The following SPECC1 variants were observed in gnomAD, a reference collection of about 807,000 sequenced individuals.
The protein encoded by SPECC1 is cytospin-B.
In SPECC1, 62 loss-of-function variants were observed where a neutral mutation model predicts 104.1. The ratio of observed to expected loss-of-function variants is 0.60; its 90% CI spans 0.49 to 0.74. The LOEUF (loss-of-function observed/expected upper bound fraction) is 0.74, where lower values mean the gene tolerates loss of function less well. SPECC1 is among the 30% of genes least tolerant of loss of function. The pLI is 0.00. For synonymous variants in SPECC1, 513 were observed against 501.6 expected (o/e 1.02, Z -0.30); for missense variants, 1,306 against 1,310.5 (o/e 1.00, Z 0.05).
chr17:20,058,357 C>T (rs2046046168), intron 1 of SPECC1, among the ~76,000 whole-genome samples: 1 of 152,086 alleles, frequency 6.6e-6, no homozygotes, highest in Non-Finnish European at 1.5e-5. Context: ...CAGCTGGGTA[C>T]AGTGGCTCAT....
At chr17:20,037,844 G>C (rs1597598394) in intron 1 of SPECC1, among the ~76,000 whole-genome samples, 3 of 152,088 alleles carry the variant, frequency 2.0e-5, no homozygotes, top group Middle Eastern at 6.8e-3. Flanking sequence ...GTTTTTATTT[G>C]TTAAGGAAGG....
At chr17:20,198,791 C>G (rs538498117) in intron 3 of SPECC1, among the ~76,000 whole-genome samples, 1 of 152,324 alleles carries the variant, frequency 6.6e-6, no homozygotes, top group Admixed American at 6.5e-5. Flanking sequence ...TGAGACTTCT[C>G]TTGACTGGTT....
chr17:20,247,688 A>G (rs2039476440), intron 9 of SPECC1, among the ~76,000 whole-genome samples: 2 of 152,312 alleles, frequency 1.3e-5, no homozygotes, highest in African/African-American at 4.8e-5. Context: ...GTGGTGATTT[A>G]TTTAGCCACT....
At chr17:20,312,291 TA>T (rs1475071287) in intron 14 of SPECC1, among the ~76,000 whole-genome samples, 1 of 152,250 alleles carries the variant, frequency 6.6e-6, no homozygotes, top group East Asian at 1.9e-4. Context: ...TCATGCACTA[TA>T]AGATTGTTAC....
At chr17:20,112,304 T>C in intron 3 of SPECC1, 1 of 759,654 alleles carries the variant, frequency 1.3e-6, no homozygotes, top group Non-Finnish European at 2.5e-6. Flanking sequence ...TTGTACATGA[T>C]GGCATTAATT....
At chr17:20,208,827 G>A (rs141920579) in intron 4 of SPECC1, among the ~76,000 whole-genome samples, 13 of 152,228 alleles carry the variant, frequency 8.5e-5, no homozygotes, top group Non-Finnish European at 1.3e-4. Context: ...TTAGAGACAG[G>A]TTCTCGTTTT....
intron 3 of SPECC1, among the ~76,000 whole-genome samples, chr17:20,191,116 G>A (rs1188350664): frequency 6.6e-6 from 1 of 152,122 alleles, no homozygotes; most frequent in Non-Finnish European, 1.5e-5. Context: ...GATACTAATA[G>A]TCCATTATCT....
At chr17:20,236,629 G>T (rs1048816682) in intron 7 of SPECC1, among the ~76,000 whole-genome samples, 3 of 147,944 alleles carry the variant, frequency 2.0e-5, no homozygotes, top group Admixed American at 6.7e-5. Context: ...TGGTGGAGGA[G>T]CCTAGTACAG....
intron 14 of SPECC1, 57 bp downstream of exon 14, chr17:20,306,139 T>C: frequency 6.6e-7 from 1 of 1,517,564 alleles, no homozygotes; most frequent in East Asian, 2.3e-5. Context: ...AATGACTTTA[T>C]GCCATCTGAT....
intron 7 of SPECC1, among the ~76,000 whole-genome samples, chr17:20,245,575 A>G (rs970727719): frequency 6.6e-6 from 1 of 152,134 alleles, no homozygotes; most frequent in Non-Finnish European, 1.5e-5. Context: ...TTCACCATTG[A>G]CAGTAGGTGA....
intron 12 of SPECC1, among the ~76,000 whole-genome samples, chr17:20,295,569 G>C (rs148249484): frequency 2.9e-3 from 438 of 152,280 alleles, no homozygotes; most frequent in Non-Finnish European, 4.2e-3. Flanking sequence ...GGTATTTCTA[G>C]TTCTAGATCC....
intron 12 of SPECC1, among the ~76,000 whole-genome samples, chr17:20,287,800 T>TA (rs1386185231): frequency 6.6e-6 from 1 of 152,206 alleles, no homozygotes; most frequent in Non-Finnish European, 1.5e-5. Context: ...GTTCTTTTTT[T>TA]AAATCAACTT....
At position 20,231,775 on chromosome 17, in the gene SPECC1, G is replaced by A. The variant is rs2038595087; in HGVS notation, c.2089G>A (p.Glu697Lys). The change falls in exon 6 of 15, where the codon GAG becomes AAG. Residue 697 changes from glutamate to lysine, a missense_variant. Physicochemically the swap from Glu to Lys is moderately conservative, Grantham distance 56 (BLOSUM62 1). Coordinates refer to ENST00000395527, the MANE Select transcript of SPECC1 (RefSeq NM_001243439.2). ...SELESSVIKL[E>K]EQKSDLERQL... ...ATTTCTAGGTAGTGTGATCAAGCTG[G>A]AGGAACAGAAGTCAGACCTGGAGAG... 1 of 1,614,048 alleles carries A rather than the reference G, an allele frequency of 6.2e-7. No individual in the cohort carries two copies. The highest frequency in any genetic ancestry group is 1.7e-5 in the Admixed American group (1 of 60,014).
intron 12 of SPECC1, among the ~76,000 whole-genome samples, chr17:20,271,282 T>A (rs1300464760): frequency 6.6e-6 from 1 of 152,154 alleles, no homozygotes; most frequent in African/African-American, 2.4e-5. Context: ...TTCTAGTTTT[T>A]CATTTTAGAT....
intron 1 of SPECC1, among the ~76,000 whole-genome samples, chr17:20,095,130 A>T (rs1188487220): frequency 1.3e-5 from 2 of 152,202 alleles, no homozygotes; most frequent in Non-Finnish European, 2.9e-5. Context: ...ATAGGTCTCA[A>T]CCTATGCATT....
intron 1 of SPECC1, among the ~76,000 whole-genome samples, chr17:20,052,231 A>G (rs992679087): frequency 6.6e-6 from 1 of 152,214 alleles, no homozygotes; most frequent in Admixed American, 6.5e-5. Context: ...ATTTGTGCCA[A>G]ATGTCACCAT....
At chr17:20,310,813 G>A (rs2041908919) in intron 14 of SPECC1, among the ~76,000 whole-genome samples, 1 of 152,214 alleles carries the variant, frequency 6.6e-6, no homozygotes, top group Non-Finnish European at 1.5e-5. Context: ...TTAATGAGCT[G>A]TGCTTAAATA....
chr17:20,231,638 A>G (rs573698065), intron 5 of SPECC1, 120 bp from the exon 6 acceptor site: 9 of 836,950 alleles, frequency 1.1e-5, no homozygotes, highest in Non-Finnish European at 1.6e-5. Flanking sequence ...TTAGAGTAGA[A>G]TGGATGGATT....
intron 5 of SPECC1, among the ~76,000 whole-genome samples, chr17:20,228,263 GC>G (rs2038354987): frequency 6.6e-6 from 1 of 152,134 alleles, no homozygotes; most frequent in African/African-American, 2.4e-5. Flanking sequence ...TGCAGTTGTA[GC>G]TCACTGCAGC....
Sources: gnomAD v4.1 joint callset for allele counts (sites outside exome capture counted in the v4.1 genomes callset) on GRCh38, gnomAD v4.1.1 for gene constraint, MANE v1.5 for transcripts, NCBI Gene and HGNC (gene_info 2026-07-23, HGNC 2026-07-21) for gene names.